The following CPPED1 variants were observed in gnomAD, a reference collection of about 807,000 sequenced individuals.
CPPED1 encodes serine/threonine-protein phosphatase CPPED1.
In CPPED1, 28 loss-of-function variants were observed where a neutral mutation model predicts 28.0. The ratio of observed to expected loss-of-function variants is 1.00; its 90% CI spans 0.74 to 1.37. The LOEUF is 1.37. Ranked by LOEUF, CPPED1 falls within the 40% of genes most tolerant of loss-of-function variation. The pLI is 0.00. For synonymous variants in CPPED1, 198 were observed against 180.2 expected (o/e 1.10, Z -0.79); for missense variants, 504 against 416.5 (o/e 1.21, Z -1.83).
intron 3 of CPPED1, among the ~76,000 whole-genome samples, chr16:12,673,970 G>T (rs991736196): frequency 1.3e-5 from 2 of 152,070 alleles, no homozygotes; most frequent in Non-Finnish European, 2.9e-5. Context: ...GATTGCTTGA[G>T]CTCAGGAGTT....
At chr16:12,775,574 T>G (rs375858573) in intron 2 of CPPED1, among the ~76,000 whole-genome samples, 19 of 152,342 alleles carry the variant, frequency 1.2e-4, no homozygotes, top group African/African-American at 4.3e-4. Context: ...CAGTGCTTCT[T>G]GAACCTCATT....
chr16:12,726,076 C>G (rs1456781261), intron 2 of CPPED1, among the ~76,000 whole-genome samples: 1 of 152,066 alleles, frequency 6.6e-6, no homozygotes, highest in Non-Finnish European at 1.5e-5. Flanking sequence ...AAGTCTCACT[C>G]TGTCGCCCAA....
chr16:12,718,701 G>A (rs562901414), intron 2 of CPPED1, among the ~76,000 whole-genome samples: 2 of 152,192 alleles, frequency 1.3e-5, no homozygotes, highest in Admixed American at 6.5e-5. Flanking sequence ...GGTGGCTCAC[G>A]CCTGTAATTC....
At chr16:12,768,991 A>C (rs937299053) in intron 2 of CPPED1, among the ~76,000 whole-genome samples, 2 of 150,452 alleles carry the variant, frequency 1.3e-5, no homozygotes, top group Non-Finnish European at 3.0e-5. Flanking sequence ...TCAGACTCCC[A>C]AGTAGCTGGG....
chr16:12,750,230 T>C (rs1458703940), intron 2 of CPPED1, among the ~76,000 whole-genome samples: 2 of 152,234 alleles, frequency 1.3e-5, no homozygotes. Context: ...TAAGAACTTT[T>C]CCTTTGCAAC....
intron 2 of CPPED1, among the ~76,000 whole-genome samples, chr16:12,744,614 A>G (rs1047346651): frequency 1.3e-5 from 2 of 152,192 alleles, no homozygotes; most frequent in Non-Finnish European, 2.9e-5. Context: ...AGAGGGGAAC[A>G]CAGGAAGGGT....
intron 3 of CPPED1, among the ~76,000 whole-genome samples, chr16:12,683,839 C>T (rs923042182): frequency 5.3e-5 from 8 of 152,176 alleles, no homozygotes; most frequent in African/African-American, 9.7e-5. Flanking sequence ...TTATCTACCC[C>T]GTAAAAAGAG....
At chr16:12,721,165 G>C (rs895966069) in intron 2 of CPPED1, among the ~76,000 whole-genome samples, 6 of 152,088 alleles carry the variant, frequency 3.9e-5, no homozygotes, top group Non-Finnish European at 7.3e-5. Context: ...TCTATCTTCT[G>C]AAGGGAAAAT....
chr16:12,750,965 C>A (rs2080324241), intron 2 of CPPED1, among the ~76,000 whole-genome samples: 1 of 151,188 alleles, frequency 6.6e-6, no homozygotes, highest in Non-Finnish European at 1.5e-5. Context: ...AAGACTCTGT[C>A]TCAAAAAAGG....
intron 2 of CPPED1, among the ~76,000 whole-genome samples, chr16:12,730,141 T>C (rs2080189886): frequency 1.3e-5 from 2 of 152,124 alleles, no homozygotes; most frequent in Non-Finnish European, 2.9e-5. Context: ...GGATTACACG[T>C]GTGAGCCACC....
chr16:12,705,452 C>T (rs2080044809), intron 2 of CPPED1, among the ~76,000 whole-genome samples: 2 of 152,118 alleles, frequency 1.3e-5, no homozygotes, highest in Non-Finnish European at 1.5e-5. Flanking sequence ...CAGTGAGACC[C>T]TGTCTTCATA....
At chr16:12,692,869 C>G (rs747876512) in intron 3 of CPPED1, among the ~76,000 whole-genome samples, 13 of 152,256 alleles carry the variant, frequency 8.5e-5, no homozygotes, top group Non-Finnish European at 1.5e-4. Flanking sequence ...GCAGGGCGGC[C>G]CCAGAGGAGG....
Position 12,682,042 on chromosome 16 carries a change from T to A in CPPED1, c.716-16927A>T, listed in dbSNP as rs898663053. On this transcript the variant is annotated intron_variant, in intron 3 of 3. Coordinates refer to ENST00000381774, the MANE Select transcript of CPPED1 (RefSeq NM_018340.3). This position sits in a 1 kb window ranked among gnomAD's most constrained non-coding sequence, Gnocchi z 6.1. ...CAACCCCCAGACTCACTGCCGTTTA[T>A]TACTTTTTTGAGACAGTGTCTCTCT... Among the ~76,000 whole-genome samples, 1 of 152,096 alleles carries A rather than the reference T, an allele frequency of 6.6e-6. No homozygotes were observed. Among genetic ancestry groups the A allele is most frequent in the African/African-American group, 2.4e-5 (1 of 41,410 alleles).
chr16:12,740,444 C>CAAA (rs1237046217), intron 2 of CPPED1, among the ~76,000 whole-genome samples: 3 of 100,254 alleles, frequency 3.0e-5, no homozygotes, highest in Admixed American at 1.0e-4. Context: ...GACTCTGCCT[C>CAAA]AAAAAAAAAA....
intron 3 of CPPED1, among the ~76,000 whole-genome samples, chr16:12,696,336 T>C (rs984568958): frequency 2.0e-5 from 3 of 152,088 alleles, no homozygotes; most frequent in Non-Finnish European, 2.9e-5. Flanking sequence ...TAAAGCACAT[T>C]TGCCTGCTGT....
rs1051916418 is a variant in CPPED1, at chr16:12,661,269, G to T, written c.*3617C>A. ...CTTTTACAGGTATATAAGGTCAATG[G>T]CCCTAGTCTAATTCAGATTTAAACT... On this transcript the variant is annotated 3_prime_UTR_variant, in exon 4 of 4. Transcript: ENST00000381774. 1 of 152,112 alleles carries T rather than the reference G, an allele frequency of 6.6e-6. No individual in the cohort carries two copies. Among genetic ancestry groups the T allele is most frequent in the Non-Finnish European group, 1.5e-5 (1 of 68,020 alleles). The allele number at this position is 152,112 out of a possible 1,614,324, so 9.4% of individuals were successfully genotyped here. A position where few individuals can be genotyped will look rare whatever the true frequency, so the allele number is the denominator to read the frequency against.
chr16:12,766,875 T>G (rs373513109), intron 2 of CPPED1, among the ~76,000 whole-genome samples: 1 of 152,172 alleles, frequency 6.6e-6, no homozygotes, highest in Non-Finnish European at 1.5e-5. Flanking sequence ...CAGACTGCCA[T>G]AGCCGATTTG....
At chr16:12,749,611 G>C (rs1008975922) in intron 2 of CPPED1, among the ~76,000 whole-genome samples, 5 of 152,102 alleles carry the variant, frequency 3.3e-5, no homozygotes, top group African/African-American at 9.7e-5. Context: ...GTTTGTTTTA[G>C]ATGGAGTCTC....
In CPPED1 at chr16:12,773,083, G is replaced by C. The variant is rs7203863; in HGVS notation, c.289+8102C>G. 9.2e-3 allele frequency among the ~76,000 whole-genome samples: 1,406 copies of C among 152,266 alleles called. 13 individuals are homozygous for C. The highest frequency in any genetic ancestry group is 0.033 in the African/African-American group (1,357 of 41,546). ...AGTTTTCAGAGCTTTCTGAACTTTT[G>C]AGATGGTAGGTAAGGGGTTATGTAC... On this transcript the variant is annotated intron_variant, in intron 2 of 3. Coordinates refer to ENST00000381774, the MANE Select transcript of CPPED1 (RefSeq NM_018340.3).
Sources: allele counts gnomAD v4.1 joint callset (sites outside exome capture counted in the v4.1 genomes callset), GRCh38; gene constraint gnomAD v4.1.1; non-coding constraint Gnocchi (gnomAD v3.1); transcripts MANE v1.5; gene names NCBI Gene and HGNC (gene_info 2026-07-23, HGNC 2026-07-21).